Variants in PROS1 observed in about 807,000 individuals in gnomAD.
PROS1 encodes protein S.
Under a neutral mutation model 75.9 loss-of-function variants are expected in PROS1, and 29 were observed. The ratio of observed to expected loss-of-function variants is 0.38; its 90% confidence interval spans 0.28 to 0.52. The LOEUF is 0.52. Ranked by LOEUF, PROS1 falls within the 20% of genes least tolerant of loss-of-function variation. The pLI is 0.83. For missense variants in PROS1, 680 were observed against 810.3 expected, an observed-to-expected ratio of 0.84 and a Z score of 1.95; for synonymous variants, 245 against 280.6, an observed-to-expected ratio of 0.87 and a Z score of 1.27.
At chr3:93,955,225 G>T (rs933945798) in intron 1 of PROS1, among the ~76,000 whole-genome samples, 2 of 152,036 alleles carry the variant, frequency 1.3e-5, no homozygotes, top group Non-Finnish European at 2.9e-5. Context: ...CCCCTTACTG[G>T]GTATATACCC....
At chr3:93,921,535 C>T (rs1245978223) in intron 3 of PROS1, among the ~76,000 whole-genome samples, 1 of 152,122 alleles carries the variant, frequency 6.6e-6, no homozygotes, top group African/African-American at 2.4e-5. Flanking sequence ...AAGAAGAGGG[C>T]TTTGGCTGCG....
chr3:93,927,466 T>G, intron 1 of PROS1, 59 bp from the exon 2 acceptor site: 1 of 1,533,480 alleles, frequency 6.5e-7, no homozygotes, highest in African/African-American at 1.4e-5. Flanking sequence ...ATATATTGTT[T>G]TATTAAACAA....
chr3:93,892,163 C>G (rs1708439568), intron 10 of PROS1, among the ~76,000 whole-genome samples: 1 of 151,960 alleles, frequency 6.6e-6, no homozygotes. Flanking sequence ...AAACCTGTCT[C>G]TACTAAAATT....
At chr3:93,946,078 C>A (rs891223169) in intron 1 of PROS1, among the ~76,000 whole-genome samples, 1 of 152,104 alleles carries the variant, frequency 6.6e-6, no homozygotes, top group African/African-American at 2.4e-5. Flanking sequence ...GAATAAAATA[C>A]CTAGGAATCC....
At chr3:93,923,157 A>G (rs1409942370) in intron 3 of PROS1, among the ~76,000 whole-genome samples, 1 of 152,248 alleles carries the variant, frequency 6.6e-6, no homozygotes, top group African/African-American at 2.4e-5. Context: ...CCATGTTGCC[A>G]AATGAGATAG....
chr3:93,877,115 T>C lies in PROS1; in HGVS notation c.1721A>G (p.His574Arg). The change falls in exon 14 of 15, where the codon CAT becomes CGT. Residue 574 changes from histidine (H) to arginine (R), a missense_variant. By Grantham distance (29) the His-to-Arg change is conservative (BLOSUM62 0). Coordinates refer to ENST00000394236, the MANE Select transcript of PROS1 (RefSeq NM_000313.4). ...GTTTCTGTTGACTCTAAATTCCAGA[T>C]GAGATTGTTGATCGGAACATAGACT... ...ALSLCSDQQS[H>R]LEFRVNRNNL... 1 of 1,612,612 alleles carries C rather than the reference T, an allele frequency of 6.2e-7. No homozygotes were observed. The highest frequency in any genetic ancestry group is 8.5e-7 in the Non-Finnish European group (1 of 1,178,714).
At position 93,937,517 on chromosome 3, in the gene PROS1, G is replaced by A. The variant is rs372181439; in HGVS notation, c.77-10110C>T. Among the ~76,000 whole-genome samples the A allele has an allele frequency of 2.6e-3, 390 of 151,972 alleles. 1 individual carries two copies. Among genetic ancestry groups the A allele is most frequent in the African/African-American group, 8.0e-3 (332 of 41,458 alleles). On this transcript the variant is annotated intron_variant, in intron 1 of 14. Coordinates refer to ENST00000394236, the MANE Select transcript of PROS1 (RefSeq NM_000313.4). ...CGAGTAGCTGGGACTACAGGTACCC[G>A]CCACCTCACCTGGCTAATTTTTTGT... is the stretch of plus-strand genomic sequence containing the variant.
chr3:93,928,369 G>A (rs1282045451), intron 1 of PROS1, among the ~76,000 whole-genome samples: 3 of 151,032 alleles, frequency 2.0e-5, no homozygotes, highest in East Asian at 1.9e-4. Context: ...AAATGCCTAT[G>A]TCAAAAGCCA....
At chr3:93,960,532 C>CCTTTTTT (rs1709690641) in intron 1 of PROS1, among the ~76,000 whole-genome samples, 2 of 50,118 alleles carry the variant, frequency 4.0e-5, no homozygotes, top group African/African-American at 1.9e-4. Context: ...CTCCATTGCT[C>CCTTTTTT]TTTTTTTTTT....
chr3:93,962,218 A>G (rs1410137521), intron 1 of PROS1, among the ~76,000 whole-genome samples: 3 of 152,054 alleles, frequency 2.0e-5, no homozygotes, highest in Non-Finnish European at 2.9e-5. Context: ...TGTAGTGATC[A>G]CATTTTGGAG....
At chr3:93,890,436 G>C (rs1228376106) in intron 10 of PROS1, among the ~76,000 whole-genome samples, 1 of 152,114 alleles carries the variant, frequency 6.6e-6, no homozygotes, top group Non-Finnish European at 1.5e-5. Flanking sequence ...TGAAGCATGT[G>C]ATCTTTGTGA....
At chr3:93,960,532 C>CTTTTTTTTTTT (rs774875701) in intron 1 of PROS1, among the ~76,000 whole-genome samples, 2 of 50,118 alleles carry the variant, frequency 4.0e-5, no homozygotes, top group African/African-American at 1.9e-4. Flanking sequence ...CTCCATTGCT[C>CTTTTTTTTTTT]TTTTTTTTTT....
chr3:93,917,000 C>A (rs1416818947), intron 3 of PROS1, among the ~76,000 whole-genome samples: 3 of 152,164 alleles, frequency 2.0e-5, no homozygotes, highest in Non-Finnish European at 2.9e-5. Flanking sequence ...TTTTTTATTT[C>A]TCTAAGAAAC....
intron 12 of PROS1, among the ~76,000 whole-genome samples, chr3:93,884,503 C>A (rs1406216062): frequency 6.6e-6 from 1 of 152,198 alleles, no homozygotes; most frequent in Non-Finnish European, 1.5e-5. Flanking sequence ...AGGCTATGTA[C>A]TGATAAACCT....
At chr3:93,952,732 G>A (rs1303752854) in intron 1 of PROS1, among the ~76,000 whole-genome samples, 1 of 152,144 alleles carries the variant, frequency 6.6e-6, no homozygotes, top group Non-Finnish European at 1.5e-5. Context: ...TAAGATCAGA[G>A]CAGAACTGAA....
chr3:93,880,012 ATT>A (rs1339475610), intron 12 of PROS1, among the ~76,000 whole-genome samples: 1 of 152,204 alleles, frequency 6.6e-6, no homozygotes, highest in Non-Finnish European at 1.5e-5. Context: ...GAATAGTTGG[ATT>A]ACTAAAAATA....
rs1410068779 is a variant in PROS1, at chr3:93,877,200, C to T, written c.1645-9G>A. ...ACAGATAACAGAATATCCTGAAGAG[C>T]AGAGCAAAGATTCAATATAAGCAAG... is the stretch of plus-strand genomic sequence containing the variant. On this transcript the variant is annotated splice_polypyrimidine_tract_variant and intron_variant, in intron 13 of 14. Transcript: ENST00000394236. 3 of 1,570,764 alleles carry T rather than the reference C, an allele frequency of 1.9e-6. No individual in the cohort carries two copies. Among genetic ancestry groups the T allele is most frequent in the Non-Finnish European group, 1.8e-6 (2 of 1,141,294 alleles).
Position 93,873,945 on chromosome 3 carries a change from G to A in PROS1, c.*300C>T, listed in dbSNP as rs1708145462. 1 of 325,728 alleles carries A rather than the reference G, an allele frequency of 3.1e-6. No individual in the cohort carries two copies. Among genetic ancestry groups the A allele is most frequent in the South Asian group, 3.3e-5 (1 of 29,914 alleles). 20.2% of individuals were successfully genotyped at this position (325,728 alleles called of 1,614,324 possible). On this transcript the variant is annotated 3_prime_UTR_variant, in exon 15 of 15. Transcript: ENST00000394236. ...AGGTATTTAGACACTAGTTCATGAT[G>A]ATAAAATTAAAATTTAGTTTTACAA...
At chr3:93,954,334 G>T (rs1310521372) in intron 1 of PROS1, among the ~76,000 whole-genome samples, 1 of 152,128 alleles carries the variant, frequency 6.6e-6, no homozygotes, top group Non-Finnish European at 1.5e-5. Context: ...TATATTAAAA[G>T]GCTACAGTAA....
Sources: gnomAD v4.1 joint callset for allele counts (sites outside exome capture counted in the v4.1 genomes callset) on GRCh38, gnomAD v4.1.1 for gene constraint, MANE v1.5 for transcripts, NCBI Gene and HGNC (gene_info 2026-07-23, HGNC 2026-07-21) for gene names.